The following FZD3 variants were observed in gnomAD, a reference collection of about 807,000 sequenced individuals.
The protein encoded by FZD3 is frizzled class receptor 3.
In FZD3, 30 loss-of-function variants were observed where a neutral mutation model predicts 60.7. The observed-to-expected ratio is 0.49, with a 90% confidence interval of 0.37 to 0.67. The LOEUF (loss-of-function observed/expected upper bound fraction) is 0.67. FZD3 is among the 30% of genes least tolerant of loss of function. The pLI, the probability that FZD3 is intolerant of heterozygous loss-of-function variation, is 0.00. For synonymous variants in FZD3, 246 were observed against 275.2 expected (o/e 0.89, Z 1.05); for missense variants, 605 against 838.7 (o/e 0.72, Z 3.44).
chr8:28,536,021 A>C (rs921435840), intron 5 of FZD3, among the ~76,000 whole-genome samples: 3 of 152,250 alleles, frequency 2.0e-5, no homozygotes, highest in African/African-American at 7.2e-5. Context: ...TATGTTAAAT[A>C]CAGTAATATC....
chr8:28,539,610 A>G (rs1374315717), intron 5 of FZD3, among the ~76,000 whole-genome samples: 1 of 152,226 alleles, frequency 6.6e-6, no homozygotes, highest in Non-Finnish European at 1.5e-5. Flanking sequence ...GTTGTATGAC[A>G]GACTCTGTAT....
chr8:28,520,534 C>G, intron 3 of FZD3, 104 bp from the exon 4 acceptor site: 4 of 704,184 alleles, frequency 5.7e-6, no homozygotes, highest in Non-Finnish European at 8.8e-6. Context: ...TTTAATAACC[C>G]TCAGAATTTT....
chr8:28,568,986 ACT>A lies in FZD3; in HGVS notation c.*5976_*5977del, dbSNP rs1805754434. 2.6e-5 allele frequency: 4 copies of A among 152,256 alleles called. No individual in the cohort carries two copies. The South Asian group carries it at 8.3e-4, about 32-fold the overall frequency. 9.4% of individuals were successfully genotyped at this position (152,256 alleles called of 1,614,324 possible). On this transcript the variant is annotated 3_prime_UTR_variant, in exon 8 of 8. Transcript: ENST00000240093. Reference sequence around the variant, plus strand: ...GAAATAATTCAGATTTTGAAGATTCACTGTTTCATTATTTTGCTAATTACCAT... The same window carrying A: ...GAAATAATTCAGATTTTGAAGATTCAGTTTCATTATTTTGCTAATTACCAT...
chr8:28,514,922 A>G (rs1284656792), intron 3 of FZD3, among the ~76,000 whole-genome samples: 2 of 152,166 alleles, frequency 1.3e-5, no homozygotes, highest in African/African-American at 4.8e-5. Context: ...AGACCATTTT[A>G]CAGAAGAGGA....
At chr8:28,520,237 G>A (rs1355484389) in intron 3 of FZD3, among the ~76,000 whole-genome samples, 33 of 121,522 alleles carry the variant, frequency 2.7e-4, no homozygotes, top group East Asian at 1.8e-3. Context: ...AAAAAAAAAG[G>A]AAGAAAGAAA....
At position 28,527,829 on chromosome 8, in the gene FZD3, A is replaced by G; in HGVS notation, c.1069A>G (p.Ile357Val). The G allele has an allele frequency of 6.2e-7, 1 of 1,614,046 alleles. No individual in the cohort carries two copies. Among genetic ancestry groups the G allele is most frequent in the Non-Finnish European group, 8.5e-7 (1 of 1,179,930 alleles). The change falls in exon 5 of 8, where the codon ATT (isoleucine) becomes GTT (valine). Residue 357 changes from isoleucine to valine, a missense_variant. Physicochemically the swap from Ile to Val is conservative, Grantham distance 29. Coordinates refer to ENST00000240093, the MANE Select transcript of FZD3 (RefSeq NM_017412.4). This position sits in a 1 kb window ranked among gnomAD's most constrained non-coding sequence, Gnocchi z 5.0. ...LAMNKIEGDNISGVCFVGLYD... is the reference protein window; with the variant it reads ...LAMNKIEGDNVSGVCFVGLYD... ...GATGAATAAAATTGAAGGTGACAAT[A>G]TTAGTGGCGTGTGTTTTGTTGGCCT...
At chr8:28,499,491 G>A (rs1046815052) in intron 1 of FZD3, among the ~76,000 whole-genome samples, 5 of 151,928 alleles carry the variant, frequency 3.3e-5, no homozygotes, top group Admixed American at 2.0e-4. Context: ...CTAATATTTT[G>A]GTTGTGCATC....
intron 1 of FZD3, among the ~76,000 whole-genome samples, chr8:28,494,594 C>A (rs1304461539): frequency 6.6e-6 from 1 of 151,884 alleles, no homozygotes; most frequent in Non-Finnish European, 1.5e-5. Context: ...CTGGGGGCCT[C>A]GGGGACGCCT....
At position 28,527,631 on chromosome 8, in the gene FZD3, A is replaced by G. The variant is rs377559792; in HGVS notation, c.871A>G (p.Met291Val). Reference sequence around the variant, plus strand: ...TAATAAAGCCTGTACCATGCTTTTTATGATACTCTATTTTTTTACTATGGC... The same window carrying G: ...TAATAAAGCCTGTACCATGCTTTTTGTGATACTCTATTTTTTTACTATGGC... ...SHNKACTMLF[M>V]ILYFFTMAGS... The change falls in exon 5 of 8, where the codon ATG (methionine) becomes GTG (valine). Residue 291 changes from methionine (M) to valine (V), a missense_variant. Coordinates refer to ENST00000240093, the MANE Select transcript of FZD3 (RefSeq NM_017412.4). This position sits in a 1 kb window ranked among gnomAD's most constrained non-coding sequence, Gnocchi z 5.0. The G allele has an allele frequency of 4.3e-6, 7 of 1,614,008 alleles. No individual in the cohort carries two copies. The highest frequency in any genetic ancestry group is 5.9e-6 in the Non-Finnish European group (7 of 1,179,964).
intron 5 of FZD3, among the ~76,000 whole-genome samples, chr8:28,541,669 A>G (rs1192961094): frequency 2.0e-5 from 3 of 152,098 alleles, no homozygotes; most frequent in Middle Eastern, 3.2e-3. Flanking sequence ...CAAAATATCT[A>G]TTTACATGAC....
Position 28,569,233 on chromosome 8 carries a change from C to G in FZD3, c.*6222C>G, listed in dbSNP as rs1340151700. On this transcript the variant is annotated 3_prime_UTR_variant, in exon 8 of 8. Transcript: ENST00000240093. Reference sequence around the variant, plus strand: ...TAATTTCTATTTTCTATCCTGGAGTCTAAAATTAAACAAAAAAATCTATTT... The same window carrying G: ...TAATTTCTATTTTCTATCCTGGAGTGTAAAATTAAACAAAAAAATCTATTT... The G allele has an allele frequency of 6.8e-6, 1 of 147,332 alleles. No individual in the cohort carries two copies. Among genetic ancestry groups the G allele is most frequent in the African/African-American group, 2.5e-5 (1 of 39,928 alleles). The allele number at this position is 147,332 out of a possible 1,614,324, so 9.1% of individuals were successfully genotyped here. A position where few individuals can be genotyped will look rare whatever the true frequency, so the allele number is the denominator to read the frequency against.
chr8:28,499,481 C>T (rs775107958), intron 1 of FZD3, among the ~76,000 whole-genome samples: 11 of 151,926 alleles, frequency 7.2e-5, no homozygotes, highest in Non-Finnish European at 1.0e-4. Flanking sequence ...CAGTGTTACA[C>T]TAATATTTTG....
intron 3 of FZD3, among the ~76,000 whole-genome samples, chr8:28,520,296 A>G (rs939653767): frequency 7.9e-5 from 12 of 151,972 alleles, no homozygotes; most frequent in Admixed American, 5.2e-4. Context: ...CCCATCACCA[A>G]TCTAGTCACA....
intron 4 of FZD3, among the ~76,000 whole-genome samples, chr8:28,523,723 A>G (rs1176584234): frequency 6.6e-6 from 1 of 152,138 alleles, no homozygotes; most frequent in Non-Finnish European, 1.5e-5. Flanking sequence ...GCGCTTGGCC[A>G]GGCTCTGCCT....
At chr8:28,509,475 A>T (rs910727412) in intron 3 of FZD3, among the ~76,000 whole-genome samples, 1 of 152,064 alleles carries the variant, frequency 6.6e-6, no homozygotes, top group Non-Finnish European at 1.5e-5. Context: ...TAAAATTTTT[A>T]AAAATTGTGG....
rs1351967893 is a variant in FZD3, at chr8:28,569,038, GT to G, written c.*6034del. On this transcript the variant is annotated 3_prime_UTR_variant, in exon 8 of 8. Transcript: ENST00000240093. The stretch of plus-strand genomic sequence containing the variant: ...TTAACTAGTAAAGTTAGTTTTTAAA[GT>G]TTTTTTAAGGTTGATATTTTATCAT... 6.6e-6 allele frequency: 1 copy of G among 151,898 alleles called. No individual in the cohort carries two copies. The highest frequency in any genetic ancestry group is 1.5e-5 in the Non-Finnish European group (1 of 67,914). 9.4% of individuals were successfully genotyped at this position (151,898 alleles called of 1,614,324 possible).
At chr8:28,494,760 G>T (rs949655744) in intron 1 of FZD3, among the ~76,000 whole-genome samples, 6 of 152,166 alleles carry the variant, frequency 3.9e-5, no homozygotes, top group Non-Finnish European at 5.9e-5. Flanking sequence ...GCGCGGCGGA[G>T]AGAGGGGCCC....
In FZD3 at chr8:28,540,316, G is replaced by A. The variant is rs765198991; in HGVS notation, c.1405-11287G>A. 4.3e-4 allele frequency among the ~76,000 whole-genome samples: 66 copies of A among 152,152 alleles called. 1 individual carries two copies. The highest frequency in any genetic ancestry group is 6.8e-3 in the Middle Eastern group (2 of 294). On this transcript the variant is annotated intron_variant, in intron 5 of 7. Transcript: ENST00000240093. ...ACGATCTCGGCTCACTGCAACCTCCGCCTCCTGGGTTCAAGCTATTCTCAT... is the reference window on the plus strand; with the variant it reads ...ACGATCTCGGCTCACTGCAACCTCCACCTCCTGGGTTCAAGCTATTCTCAT...
rs201679256 is a variant in FZD3 at position 28,573,624 on chromosome 8, A to C, written c.*10613A>C. The C allele has an allele frequency of 3.2e-4, 48 of 150,324 alleles. No homozygotes were observed. Among genetic ancestry groups the C allele is most frequent in the African/African-American group, 1.1e-3 (45 of 40,786 alleles). The allele number at this position is 150,324 out of a possible 1,614,324, so 9.3% of individuals were successfully genotyped here. A position where few individuals can be genotyped will look rare whatever the true frequency, so the allele number is the denominator to read the frequency against. On this transcript the variant is annotated 3_prime_UTR_variant, in exon 8 of 8. Coordinates refer to ENST00000240093, the MANE Select transcript of FZD3 (RefSeq NM_017412.4). The stretch of plus-strand genomic sequence containing the variant: ...CCTAGATCTCCTTCACCCTCATTCT[A>C]CCTGACAGACAGCTAGGTCTGTCTT...
Sources: gnomAD v4.1 joint callset for allele counts (sites outside exome capture counted in the v4.1 genomes callset) on GRCh38, gnomAD v4.1.1 for gene constraint, Gnocchi (gnomAD v3.1) non-coding constraint, MANE v1.5 for transcripts, NCBI Gene and HGNC (gene_info 2026-07-23, HGNC 2026-07-21) for gene names.